Variants in NEK1 observed in about 807,000 individuals in gnomAD.
NEK1 encodes serine/threonine-protein kinase Nek1.
A neutral mutation model predicts 182.1 loss-of-function variants in NEK1; 137 were observed. The ratio of observed to expected loss-of-function variants is 0.75; its 90% CI spans 0.65 to 0.87. The LOEUF (loss-of-function observed/expected upper bound fraction) is 0.87, where lower values mean the gene tolerates loss of function less well. Ranked by LOEUF, NEK1 falls within the 40% of genes least tolerant of loss-of-function variation. The pLI, the probability that NEK1 is intolerant of heterozygous loss-of-function variation, is 0.00. For synonymous variants in NEK1, 513 were observed against 492.2 expected (o/e 1.04, Z -0.56); for missense variants, 1,391 against 1,494.4 (o/e 0.93, Z 1.14).
intron 10 of NEK1, 137 bp from the exon 11 acceptor site, chr4:169,581,039 TAAAAAAAAA>T (rs34236215): frequency 6.1e-5 from 8 of 130,974 alleles, no homozygotes; most frequent in East Asian, 4.6e-4. Flanking sequence ...ACCAAGTTGT[TAAAAAAAAA>T]AAAAAAAAAA....
intron 32 of NEK1, among the ~76,000 whole-genome samples, chr4:169,405,451 C>A (rs1732429578): frequency 6.6e-6 from 1 of 152,274 alleles, no homozygotes; most frequent in African/African-American, 2.4e-5. Flanking sequence ...CTTATAAACA[C>A]AGTATATGCT....
At chr4:169,567,407 T>TAAA (rs1763889134) in intron 12 of NEK1, among the ~76,000 whole-genome samples, 1 of 150,408 alleles carries the variant, frequency 6.6e-6, no homozygotes. Context: ...AAAAAAAAAT[T>TAAA]TTTTTTTTTT....
At chr4:169,590,587 C>A in intron 6 of NEK1, 139 bp downstream of exon 6, 1 of 558,572 alleles carries the variant, frequency 1.8e-6, no homozygotes, top group East Asian at 2.9e-5. Flanking sequence ...ATACAGGATG[C>A]AGATGAATAG....
intron 27 of NEK1, among the ~76,000 whole-genome samples, chr4:169,460,417 G>A (rs990962011): frequency 6.6e-6 from 1 of 151,470 alleles, no homozygotes; most frequent in Non-Finnish European, 1.5e-5. Context: ...TCACTATTAC[G>A]AGAATATCAT....
intron 12 of NEK1, among the ~76,000 whole-genome samples, chr4:169,570,149 G>A (rs1289549921): frequency 9.9e-5 from 14 of 142,114 alleles, no homozygotes; most frequent in African/African-American, 1.6e-4. Flanking sequence ...CCGCCGCCCC[G>A]TCTGGGATGT....
At chr4:169,468,187 T>C (rs1406788451) in intron 26 of NEK1, among the ~76,000 whole-genome samples, 1 of 151,992 alleles carries the variant, frequency 6.6e-6, no homozygotes, top group Non-Finnish European at 1.5e-5. Flanking sequence ...TAGGGAAAAA[T>C]AATCATTATG....
intron 2 of NEK1, among the ~76,000 whole-genome samples, chr4:169,604,410 C>T (rs1397410660): frequency 6.6e-6 from 1 of 152,168 alleles, no homozygotes; most frequent in Non-Finnish European, 1.5e-5. Flanking sequence ...GGCAATATCA[C>T]CCTTATTGTA....
chr4:169,463,744 G>C (rs949864182), intron 26 of NEK1, among the ~76,000 whole-genome samples: 1 of 152,090 alleles, frequency 6.6e-6, no homozygotes, highest in Non-Finnish European at 1.5e-5. Context: ...TTTGAAATAT[G>C]TGCATATACA....
At chr4:169,527,307 GC>G (rs1482216361) in intron 19 of NEK1, among the ~76,000 whole-genome samples, 1 of 152,144 alleles carries the variant, frequency 6.6e-6, no homozygotes, top group Admixed American at 6.5e-5. Context: ...TCTAAGAGCT[GC>G]TAAACGAATT....
intron 18 of NEK1, among the ~76,000 whole-genome samples, chr4:169,543,333 C>T (rs34587213): frequency 0.17 from 26,210 of 152,088 alleles, 2,862 homozygotes; most frequent in South Asian, 0.31. Flanking sequence ...CTGTTCTGTT[C>T]CATTGGTCTA....
chr4:169,578,202 G>T (rs1387797949), intron 11 of NEK1, among the ~76,000 whole-genome samples: 1 of 152,080 alleles, frequency 6.6e-6, no homozygotes, highest in African/African-American at 2.4e-5. Flanking sequence ...TAATAAAAAG[G>T]AAATTCTACT....
intron 5 of NEK1, 29 bp downstream of exon 5, chr4:169,599,071 A>C (rs766381704): frequency 2.6e-6 from 4 of 1,537,298 alleles, no homozygotes; most frequent in Non-Finnish European, 3.6e-6. Context: ...ATAATAGAGT[A>C]AGAGTCAATT....
chr4:169,560,094 A>G (rs1762693095), intron 16 of NEK1, among the ~76,000 whole-genome samples: 2 of 152,252 alleles, frequency 1.3e-5, no homozygotes, highest in African/African-American at 2.4e-5. Context: ...ATAACAAACT[A>G]TCACAAATTT....
intron 24 of NEK1, among the ~76,000 whole-genome samples, chr4:169,478,969 T>A (rs1747479245): frequency 6.6e-6 from 1 of 152,160 alleles, no homozygotes; most frequent in Non-Finnish European, 1.5e-5. Context: ...TTCTACTGAG[T>A]CCTCTAACAT....
At chr4:169,443,876 G>A (rs1248932662) in intron 27 of NEK1, among the ~76,000 whole-genome samples, 1 of 152,118 alleles carries the variant, frequency 6.6e-6, no homozygotes, top group Non-Finnish European at 1.5e-5. Context: ...TATATTCAAA[G>A]TGCTGAGAAA....
At chr4:169,507,588 G>A (rs1444716560) in intron 22 of NEK1, 127 bp downstream of exon 22, 4 of 522,656 alleles carry the variant, frequency 7.7e-6, no homozygotes, top group Non-Finnish European at 6.5e-6. Context: ...AAAAGTGGAG[G>A]AGAAAGATGA....
chr4:169,500,817 G>A (rs1028273527), intron 23 of NEK1, among the ~76,000 whole-genome samples: 4 of 152,090 alleles, frequency 2.6e-5, no homozygotes, highest in African/African-American at 9.7e-5. Flanking sequence ...GTACATGTAA[G>A]TTCAAAGCAA....
At chr4:169,427,070 TAA>T (rs1316717282) in intron 29 of NEK1, among the ~76,000 whole-genome samples, 4 of 152,196 alleles carry the variant, frequency 2.6e-5, no homozygotes, top group African/African-American at 4.8e-5. Flanking sequence ...AGCTTATAGG[TAA>T]GTTTTTATTT....
intron 29 of NEK1, among the ~76,000 whole-genome samples, chr4:169,432,548 C>G (rs1333117550): frequency 6.6e-6 from 1 of 151,808 alleles, no homozygotes; most frequent in East Asian, 1.9e-4. Context: ...AAAAGAAAGC[C>G]CTTCATGTAT....
Sources: allele counts gnomAD v4.1 joint callset (sites outside exome capture counted in the v4.1 genomes callset), GRCh38; gene constraint gnomAD v4.1.1; transcripts MANE v1.5; gene names NCBI Gene and HGNC (gene_info 2026-07-23, HGNC 2026-07-21).